FBLN7: variants seen among roughly 807,000 people sequenced by gnomAD.
The protein encoded by FBLN7 is fibulin-7.
In FBLN7, 31 loss-of-function variants were observed where a neutral mutation model predicts 44.0. The observed-to-expected ratio is 0.70, with a 90% CI of 0.53 to 0.95. FBLN7 has a LOEUF of 0.95. Ranked by LOEUF, FBLN7 falls within the 40% of genes least tolerant of loss-of-function variation. The pLI is 0.00. For synonymous variants in FBLN7, 262 were observed against 253.4 expected, an observed-to-expected ratio of 1.03 and a Z score of -0.32; for missense variants, 573 against 618.5, an observed-to-expected ratio of 0.93 and a Z score of 0.78.
intron 3 of FBLN7, among the ~76,000 whole-genome samples, chr2:112,171,245 G>A (rs1682442698): frequency 6.6e-6 from 1 of 152,118 alleles, no homozygotes; most frequent in African/African-American, 2.4e-5. Context: ...CATAGGCAGT[G>A]GAAGGAGGAC....
intron 1 of FBLN7, among the ~76,000 whole-genome samples, chr2:112,155,844 C>T (rs1456374624): frequency 6.6e-6 from 1 of 152,220 alleles, no homozygotes; most frequent in Non-Finnish European, 1.5e-5. Context: ...TCCCTCCACA[C>T]ACACTCCCCT....
At chr2:112,144,794 G>A (rs923111913) in intron 1 of FBLN7, among the ~76,000 whole-genome samples, 2 of 152,104 alleles carry the variant, frequency 1.3e-5, no homozygotes, top group Non-Finnish European at 2.9e-5. Context: ...CAAAGTGTTG[G>A]GATTACAGGC....
At chr2:112,186,189 A>G (rs1683258969) in intron 7 of FBLN7, among the ~76,000 whole-genome samples, 1 of 152,180 alleles carries the variant, frequency 6.6e-6, no homozygotes, top group African/African-American at 2.4e-5. Flanking sequence ...TTCGACCAAC[A>G]GCTGGATGTG....
chr2:112,174,649 G>T (rs1467651879), intron 3 of FBLN7, among the ~76,000 whole-genome samples: 1 of 152,188 alleles, frequency 6.6e-6, no homozygotes, highest in Non-Finnish European at 1.5e-5. Context: ...CACTAAAACT[G>T]GGCTTAGGGA....
At chr2:112,169,508 G>A (rs75362011) in intron 3 of FBLN7, among the ~76,000 whole-genome samples, 4,350 of 152,260 alleles carry the variant, frequency 0.029, 95 homozygotes, top group Non-Finnish European at 0.045. Flanking sequence ...CCAAAGAAAC[G>A]AATTTGAGAG....
At chr2:112,238,592 A>G in the FBLN7 span, 4 of 1,351,552 alleles carry the variant, frequency 3.0e-6, no homozygotes, top group Non-Finnish European at 4.0e-6. Context: ...CTGGCTATAC[A>G]GAAGAAACAA....
chr2:112,139,989 C>T (rs552716494), intron 1 of FBLN7, among the ~76,000 whole-genome samples: 953 of 49,170 alleles, frequency 0.019, 6 homozygotes, highest in Non-Finnish European at 0.026. Context: ...TCCAGGCCAG[C>T]GTCCCTCCCG....
At chr2:112,238,712 A>T in the FBLN7 span, 1 of 443,366 alleles carries the variant, frequency 2.3e-6, no homozygotes, top group Non-Finnish European at 3.9e-6. Flanking sequence ...AAAAAAGAAA[A>T]AATTTCCAGA....
In FBLN7 at chr2:112,167,686, A is replaced by G. The variant is rs192397036; in HGVS notation, c.406+2515A>G. ...ATTTTTAATATGTTCCCTAAGTAAT[A>G]CTGCTGTTAACTAAATTTTGAGAAG... On this transcript the variant is annotated intron_variant, in intron 3 of 7. Coordinates refer to ENST00000331203, the MANE Select transcript of FBLN7 (RefSeq NM_153214.3). 4.0e-3 allele frequency among the ~76,000 whole-genome samples: 602 copies of G among 152,268 alleles called. 4 individuals carry two copies. Among genetic ancestry groups the G allele is most frequent in the African/African-American group, 0.014 (585 of 41,558 alleles).
intron 3 of FBLN7, among the ~76,000 whole-genome samples, chr2:112,169,384 C>T (rs1174525873): frequency 1.3e-5 from 2 of 152,176 alleles, no homozygotes; most frequent in African/African-American, 4.8e-5. Flanking sequence ...CTCCATTTCT[C>T]CTTTATTTTC....
At chr2:112,191,594 C>T (rs1007354640), downstream of FBLN7, among the ~76,000 whole-genome samples, 4 of 152,124 alleles carry the variant, frequency 2.6e-5, no homozygotes, top group Non-Finnish European at 5.9e-5. Flanking sequence ...CTTATAAGAA[C>T]AATGCCAACC....
chr2:112,225,624 G>A, the FBLN7 span, among the ~76,000 whole-genome samples: 4 of 151,986 alleles, frequency 2.6e-5, no homozygotes, highest in South Asian at 2.1e-4. Flanking sequence ...CGAGACCAGC[G>A]TGGCCAACAT....
At chr2:112,225,335 A>T in the FBLN7 span, among the ~76,000 whole-genome samples, 1 of 152,242 alleles carries the variant, frequency 6.6e-6, no homozygotes, top group Admixed American at 6.5e-5. Flanking sequence ...ACAATTAGCC[A>T]GGTGTGGTAG....
chr2:112,167,166 TTC>T (rs879316269), intron 3 of FBLN7, among the ~76,000 whole-genome samples: 1 of 152,236 alleles, frequency 6.6e-6, no homozygotes, highest in African/African-American at 2.4e-5. Flanking sequence ...TATCCAAATA[TTC>T]TGTCCTCAAT....
chr2:112,152,366 T>C (rs749071943), intron 1 of FBLN7: 1 of 152,288 alleles, frequency 6.6e-6, no homozygotes, highest in Non-Finnish European at 1.5e-5. Flanking sequence ...GTGGCTGTTT[T>C]AAAAACCAGA....
the FBLN7 span, among the ~76,000 whole-genome samples, chr2:112,243,559 T>G: frequency 6.6e-6 from 1 of 152,026 alleles, no homozygotes; most frequent in South Asian, 2.1e-4. Flanking sequence ...GAACCCCAAT[T>G]AAGCAAATAA....
chr2:112,219,058 T>C, the FBLN7 span, among the ~76,000 whole-genome samples: 1 of 152,158 alleles, frequency 6.6e-6, no homozygotes, highest in South Asian at 2.1e-4. Context: ...GCAATCTCTA[T>C]CAAATTCAAA....
the FBLN7 span, chr2:112,212,604 T>G: frequency 6.6e-6 from 1 of 152,102 alleles, no homozygotes; most frequent in Admixed American, 6.5e-5. Context: ...AATCTGAAGG[T>G]GAGGTATCGC....
At chr2:112,231,807 A>G in the FBLN7 span, 49 of 1,410,578 alleles carry the variant, frequency 3.5e-5, no homozygotes, top group Middle Eastern at 6.6e-4. Context: ...TAAAAAAGAA[A>G]AAACAAAAGA....
Sources: gnomAD v4.1 joint callset for allele counts (sites outside exome capture counted in the v4.1 genomes callset) on GRCh38, gnomAD v4.1.1 for gene constraint, MANE v1.5 for transcripts, NCBI Gene and HGNC (gene_info 2026-07-23, HGNC 2026-07-21) for gene names.